MAGI1: variants seen among roughly 807,000 people sequenced by gnomAD.
MAGI1 encodes the protein membrane-associated guanylate kinase, WW and PDZ domain-containing protein 1.
Under a neutral mutation model 139.9 loss-of-function variants are expected in MAGI1, and 58 were observed. The ratio of observed to expected loss-of-function variants is 0.41; its 90% CI spans 0.34 to 0.52. MAGI1 has a LOEUF of 0.52. Among genes scored for constraint, MAGI1 ranks in the 20% least tolerant of loss-of-function variants. The pLI is 0.12. For missense variants in MAGI1, 1,874 were observed against 1,901.6 expected, an observed-to-expected ratio of 0.99 and a Z score of 0.27; for synonymous variants, 812 against 737.9, an observed-to-expected ratio of 1.10 and a Z score of -1.63.
chr3:65,838,260 C>A lies in MAGI1; in HGVS notation c.313+199736G>T, dbSNP rs559462160. Among the ~76,000 whole-genome samples, 6 of 152,076 alleles carry A rather than the reference C, an allele frequency of 3.9e-5. No individual in the cohort carries two copies. In the East Asian group the frequency reaches 9.7e-4, roughly 25 times the overall value. On this transcript the variant is annotated intron_variant, in intron 1 of 22. Transcript: ENST00000402939. ...CAAGGAGATGGAGGTTGCAGTGAGC[C>A]GAGATCCCGCCACTGCAGTCCAGCC...
At chr3:65,402,644 G>A (rs1316096125) in intron 12 of MAGI1, among the ~76,000 whole-genome samples, 1 of 152,062 alleles carries the variant, frequency 6.6e-6, no homozygotes, top group Non-Finnish European at 1.5e-5. Flanking sequence ...GGAGTGTGAC[G>A]ATCTCAACTC....
intron 1 of MAGI1, among the ~76,000 whole-genome samples, chr3:65,971,473 C>T (rs2065010874): frequency 2.0e-5 from 3 of 152,114 alleles, no homozygotes; most frequent in Admixed American, 6.6e-5. Flanking sequence ...TCAACATTCT[C>T]GTTAAATTTC....
chr3:65,955,693 T>G (rs2064090590), intron 1 of MAGI1, among the ~76,000 whole-genome samples: 1 of 152,204 alleles, frequency 6.6e-6, no homozygotes, highest in Admixed American at 6.5e-5. Context: ...AATTCTTATT[T>G]TTCTTTACTT....
At chr3:65,618,864 C>G (rs1180083664) in intron 2 of MAGI1, among the ~76,000 whole-genome samples, 1 of 152,158 alleles carries the variant, frequency 6.6e-6, no homozygotes, top group African/African-American at 2.4e-5. Flanking sequence ...CCAGGCCACA[C>G]AGCCAGCAGA....
intron 1 of MAGI1, among the ~76,000 whole-genome samples, chr3:65,648,320 CGT>C (rs1441347856): frequency 8.7e-6 from 1 of 115,414 alleles, no homozygotes; most frequent in Admixed American, 8.1e-5. Flanking sequence ...TGTGTGTGCG[CGT>C]GCGCGTGCAC....
rs1193284173 is a variant in MAGI1 at position 65,357,136 on chromosome 3, C to A, written c.3635-4G>T. 2.5e-6 allele frequency: 4 copies of A among 1,601,004 alleles called. No homozygotes were observed. Among genetic ancestry groups the A allele is most frequent in the Non-Finnish European group, 3.4e-6 (4 of 1,172,970 alleles). ...CCGTGGCGGTCGCTGCTGGGGTCTG[C>A]CAGGAAAATAAACGAGAGCAACAGT... On this transcript the variant is annotated splice_region_variant and splice_polypyrimidine_tract_variant and intron_variant, in intron 22 of 22. Coordinates refer to ENST00000402939, the MANE Select transcript of MAGI1 (RefSeq NM_001033057.2).
At chr3:65,627,307 T>A (rs960591158) in intron 1 of MAGI1, among the ~76,000 whole-genome samples, 3 of 151,976 alleles carry the variant, frequency 2.0e-5, no homozygotes, top group Non-Finnish European at 4.4e-5. Flanking sequence ...CATGACTAAA[T>A]CACCTAAGGC....
chr3:65,597,876 C>A, intron 2 of MAGI1: 2 of 456,230 alleles, frequency 4.4e-6, no homozygotes, highest in Non-Finnish European at 8.8e-6. Flanking sequence ...AAACCGCCTC[C>A]CACCACGCTG....
At chr3:65,725,501 A>T (rs1022785024) in intron 1 of MAGI1, among the ~76,000 whole-genome samples, 2 of 152,216 alleles carry the variant, frequency 1.3e-5, no homozygotes, top group African/African-American at 4.8e-5. Context: ...ATTATCAGAC[A>T]GTCTTCCATT....
intron 1 of MAGI1, among the ~76,000 whole-genome samples, chr3:65,999,394 T>C (rs1176959417): frequency 6.6e-6 from 1 of 152,132 alleles, no homozygotes; most frequent in East Asian, 1.9e-4. Context: ...ATGCTTACTT[T>C]CAATGTGCCA....
At chr3:65,713,761 C>G (rs2031834291) in intron 1 of MAGI1, among the ~76,000 whole-genome samples, 1 of 152,176 alleles carries the variant, frequency 6.6e-6, no homozygotes, top group Non-Finnish European at 1.5e-5. Context: ...TTTTGTCAAA[C>G]ACTGAGAAAA....
intron 1 of MAGI1, among the ~76,000 whole-genome samples, chr3:66,031,514 C>T (rs1422779553): frequency 6.6e-6 from 1 of 152,060 alleles, no homozygotes; most frequent in Non-Finnish European, 1.5e-5. Flanking sequence ...TTTTAAATAA[C>T]ACAGCCAATG....
chr3:65,629,539 T>C (rs1358614137), intron 1 of MAGI1, among the ~76,000 whole-genome samples: 1 of 146,106 alleles, frequency 6.8e-6, no homozygotes, highest in Non-Finnish European at 1.5e-5. Context: ...AAATGGTATG[T>C]ACTGCAGTGG....
At chr3:65,745,662 CAT>C (rs1239648706) in intron 1 of MAGI1, among the ~76,000 whole-genome samples, 2 of 152,224 alleles carry the variant, frequency 1.3e-5, no homozygotes, top group African/African-American at 4.8e-5. Context: ...TAATTTAAGA[CAT>C]ATGTTTAATC....
chr3:65,589,844 A>T (rs1035225390), intron 2 of MAGI1, among the ~76,000 whole-genome samples: 1 of 151,820 alleles, frequency 6.6e-6, no homozygotes, highest in Non-Finnish European at 1.5e-5. Flanking sequence ...TTTCAAAAAA[A>T]AAAAAACAAA....
At chr3:65,708,090 T>C (rs1440462439) in intron 1 of MAGI1, among the ~76,000 whole-genome samples, 1 of 152,214 alleles carries the variant, frequency 6.6e-6, no homozygotes, top group Non-Finnish European at 1.5e-5. Flanking sequence ...CCTATAAATG[T>C]AACCCACTTC....
At position 65,437,161 on chromosome 3, in the gene MAGI1, G is replaced by C; in HGVS notation, c.1357C>G (p.Leu453Val). The part of the protein sequence containing the change: ...SNPEPAREVP[L>V]QGKPFFTRNP... ...AGAAAGACAAGTACTTTACCCTGAA[G>C]TGGAACTTCTCTGGCTGGCTCTGGA... is the stretch of plus-strand genomic sequence containing the variant. Residue 453 changes from leucine (L) to valine (V), a missense_variant, in exon 10 of 23, where the codon CTT becomes GTT. By Grantham distance (32) the Leu-to-Val change is conservative. This residue lies in a region of MAGI1 where 648 missense variants were observed against 598.1 expected (regional missense o/e 1.08). Coordinates refer to ENST00000402939, the MANE Select transcript of MAGI1 (RefSeq NM_001033057.2). 2 of 1,601,588 alleles carry C rather than the reference G, an allele frequency of 1.2e-6. No individual in the cohort carries two copies. Among genetic ancestry groups the C allele is most frequent in the Non-Finnish European group, 1.7e-6 (2 of 1,169,532 alleles).
chr3:65,620,723 C>CATTAACACATCATCACAACCTCT (rs1559727715), intron 2 of MAGI1, among the ~76,000 whole-genome samples: 1 of 152,018 alleles, frequency 6.6e-6, no homozygotes, highest in African/African-American at 2.4e-5. Context: ...TCACAACCTC[C>CATTAACACATCATCACAACCTCT]TCTCCGTCAA....
At chr3:65,593,408 G>GT (rs112263952) in intron 2 of MAGI1, among the ~76,000 whole-genome samples, 21,963 of 152,110 alleles carry the variant, frequency 0.14, 1,884 homozygotes, top group Middle Eastern at 0.21. Context: ...GGATGGGGGG[G>GT]AAAGGAGATT....
Sources: allele counts gnomAD v4.1 joint callset (sites outside exome capture counted in the v4.1 genomes callset), GRCh38; gene constraint gnomAD v4.1.1; regional missense constraint gnomAD v4.1.1; transcripts MANE v1.5; gene names NCBI Gene and HGNC (gene_info 2026-07-23, HGNC 2026-07-21).